PBX1: variants seen among roughly 807,000 people sequenced by gnomAD.
The protein encoded by PBX1 is PBX homeobox 1.
A neutral mutation model predicts 53.4 loss-of-function variants in PBX1; 6 were observed. That is an observed-to-expected ratio of 0.11 (90% CI 0.06 to 0.22). The LOEUF (loss-of-function observed/expected upper bound fraction) is 0.22, where lower values mean the gene tolerates loss of function less well. Ranked by LOEUF, PBX1 falls within the 10% of genes least tolerant of loss-of-function variation. PBX1 has a pLI of 1.00. For synonymous variants in PBX1, 204 were observed against 212.3 expected (o/e 0.96, Z 0.34); for missense variants, 251 against 551.4 (o/e 0.46, Z 5.46).
At chr1:164,745,426 G>C (rs1665840679) in intron 2 of PBX1, among the ~76,000 whole-genome samples, 1 of 152,096 alleles carries the variant, frequency 6.6e-6, no homozygotes, top group Non-Finnish European at 1.5e-5. Context: ...ATAAAATTGG[G>C]TTAATATTAT....
intron 8 of PBX1, among the ~76,000 whole-genome samples, chr1:164,833,761 T>C (rs545906920): frequency 1.3e-4 from 20 of 152,274 alleles, no homozygotes; most frequent in Admixed American, 5.2e-4. Context: ...GTTTTGTGTG[T>C]ATGTTTTTTT....
intron 2 of PBX1, among the ~76,000 whole-genome samples, chr1:164,611,933 G>C (rs963599381): frequency 6.6e-6 from 1 of 152,100 alleles, no homozygotes; most frequent in African/African-American, 2.4e-5. Context: ...TCCCAGGGCC[G>C]GTGTTTTGAT....
At chr1:164,821,766 G>A (rs1344453753) in intron 8 of PBX1, 140 bp downstream of exon 8, 10 of 715,372 alleles carry the variant, frequency 1.4e-5, no homozygotes, top group Non-Finnish European at 2.2e-5. Flanking sequence ...TTCTGTATCG[G>A]TCATGCCATC....
At chr1:164,628,844 G>C (rs1285577101) in intron 2 of PBX1, among the ~76,000 whole-genome samples, 1 of 152,072 alleles carries the variant, frequency 6.6e-6, no homozygotes, top group Non-Finnish European at 1.5e-5. Context: ...TTAACAAGTG[G>C]CAATAAAGGC....
At chr1:164,592,544 T>C (rs546317927) in intron 2 of PBX1, among the ~76,000 whole-genome samples, 1 of 152,328 alleles carries the variant, frequency 6.6e-6, no homozygotes, top group African/African-American at 2.4e-5. Flanking sequence ...CAGCAGTGTC[T>C]GAGCAGAGTC....
At chr1:164,760,493 A>T (rs1330539932) in intron 2 of PBX1, among the ~76,000 whole-genome samples, 4 of 127,750 alleles carry the variant, frequency 3.1e-5, no homozygotes, top group Non-Finnish European at 6.3e-5. Context: ...CGGATTTTTT[A>T]AAACATATTT....
chr1:164,580,252 C>T (rs1415162200), intron 2 of PBX1, among the ~76,000 whole-genome samples: 1 of 152,172 alleles, frequency 6.6e-6, no homozygotes. Context: ...CATTAGGCCT[C>T]TGCCTATTCT....
chr1:164,658,776 G>A (rs1660318208), intron 2 of PBX1, among the ~76,000 whole-genome samples: 1 of 152,192 alleles, frequency 6.6e-6, no homozygotes, highest in African/African-American at 2.4e-5. Flanking sequence ...TATTGAGCAT[G>A]TGCATGCCAG....
chr1:164,614,464 T>G (rs546699397), intron 2 of PBX1, among the ~76,000 whole-genome samples: 1 of 152,104 alleles, frequency 6.6e-6, no homozygotes, highest in Non-Finnish European at 1.5e-5. Flanking sequence ...CGTTTCCTCT[T>G]TTGTTCTCTG....
In PBX1 at chr1:164,848,938, T is replaced by A. The variant is rs2102425153; in HGVS notation, c.*2262T>A. 9.3e-7 allele frequency: 1 copy of A among 1,075,272 alleles called. No individual in the cohort carries two copies. Among genetic ancestry groups the A allele is most frequent in the Non-Finnish European group, 1.1e-6 (1 of 885,984 alleles). 66.6% of individuals were successfully genotyped at this position (1,075,272 alleles called of 1,614,324 possible). On this transcript the variant is annotated 3_prime_UTR_variant, in exon 9 of 9. Coordinates refer to ENST00000420696, the MANE Select transcript of PBX1 (RefSeq NM_002585.4). ...TTAGCAAAATGAAATTATGCCTTGA[T>A]GACTAAAAGGCACTAGAAAGGTTGT...
At chr1:164,728,974 G>C (rs1363920179) in intron 2 of PBX1, among the ~76,000 whole-genome samples, 1 of 152,174 alleles carries the variant, frequency 6.6e-6, no homozygotes, top group Admixed American at 6.5e-5. Context: ...TAATTGTAGG[G>C]TTACTGCTGG....
chr1:164,699,736 C>A (rs899389588), intron 2 of PBX1, among the ~76,000 whole-genome samples: 7 of 152,206 alleles, frequency 4.6e-5, no homozygotes, highest in East Asian at 3.9e-4. Context: ...GAGGAAAATT[C>A]TTCTTCTCGT....
At chr1:164,624,506 G>T (rs574698204) in intron 2 of PBX1, among the ~76,000 whole-genome samples, 8 of 152,192 alleles carry the variant, frequency 5.3e-5, no homozygotes, top group Non-Finnish European at 1.2e-4. Flanking sequence ...CTAACATGGT[G>T]ATTCTCAATT....
At position 164,846,613 on chromosome 1, in the gene PBX1, C is replaced by T; in HGVS notation, c.1230C>T (p.Thr410=). 6.2e-7 allele frequency: 1 copy of T among 1,614,078 alleles called. No homozygotes were observed. The highest frequency in any genetic ancestry group is 2.2e-5 in the East Asian group (1 of 44,860). Residue 410 remains threonine, a synonymous_variant, in exon 9 of 9, where the codon ACC becomes ACT. Coordinates refer to ENST00000420696, the MANE Select transcript of PBX1 (RefSeq NM_002585.4). The stretch of plus-strand genomic sequence containing the variant: ...ATGGAGGTTGGCAGGATGCTACTAC[C>T]CCTTCATCAGTGACCTCCCCTACAG... ...SANGGWQDAT[T]PSSVTSPTEG...
At chr1:164,589,857 C>T (rs1347547384) in intron 2 of PBX1, among the ~76,000 whole-genome samples, 1 of 152,094 alleles carries the variant, frequency 6.6e-6, no homozygotes, top group Non-Finnish European at 1.5e-5. Context: ...TTGTGGTGCT[C>T]TTGTTTGTCA....
At position 164,691,091 on chromosome 1, in the gene PBX1, T is replaced by A. The variant is rs1033259388; in HGVS notation, c.266-101403T>A. Among the ~76,000 whole-genome samples, 6 of 142,730 alleles carry A rather than the reference T, an allele frequency of 4.2e-5. No individual in the cohort carries two copies. The Admixed American group carries it at 4.6e-4, about 11-fold the overall frequency. The allele number at this position is 142,730 out of a possible 152,430, so 93.6% of individuals were successfully genotyped here. On this transcript the variant is annotated intron_variant, in intron 2 of 8. Transcript: ENST00000420696. ...GTGCAGTGGTGCAATCTCGGCTCAC[T>A]GCAACCTCTGCTTCCCGGGTTCAAG...
intron 2 of PBX1, among the ~76,000 whole-genome samples, chr1:164,653,889 A>G (rs1659992030): frequency 6.6e-6 from 1 of 152,116 alleles, no homozygotes; most frequent in South Asian, 2.1e-4. Flanking sequence ...TGTCTGCTTC[A>G]TTGTCCTTGG....
intron 2 of PBX1, among the ~76,000 whole-genome samples, chr1:164,776,736 TTTC>T (rs1194549837): frequency 1.3e-5 from 2 of 152,130 alleles, no homozygotes; most frequent in Non-Finnish European, 2.9e-5. Flanking sequence ...CAATAAAAGA[TTTC>T]TTTTCTGTGC....
At chr1:164,722,164 T>C (rs181078687) in intron 2 of PBX1, among the ~76,000 whole-genome samples, 24 of 152,302 alleles carry the variant, frequency 1.6e-4, no homozygotes, top group African/African-American at 5.8e-4. Context: ...CTGCAACCAT[T>C]TTCTGTTACA....
Sources: allele counts gnomAD v4.1 joint callset (sites outside exome capture counted in the v4.1 genomes callset), GRCh38; gene constraint gnomAD v4.1.1; transcripts MANE v1.5; gene names NCBI Gene and HGNC (gene_info 2026-07-23, HGNC 2026-07-21).